The following WWP1 variants were observed in gnomAD, a reference collection of about 807,000 sequenced individuals.
WWP1 encodes the protein NEDD4-like E3 ubiquitin-protein ligase WWP1.
WWP1 carries 49 observed loss-of-function variants against 130.6 expected under a neutral mutation model. The ratio of observed to expected loss-of-function variants is 0.38; its 90% CI spans 0.30 to 0.48. The LOEUF (loss-of-function observed/expected upper bound fraction) is 0.48, where lower values mean the gene tolerates loss of function less well. Ranked by LOEUF, WWP1 falls within the 20% of genes least tolerant of loss-of-function variation. The probability of loss-of-function intolerance (pLI) is 0.99; values close to 1 mark genes in which losing one functional copy is unlikely to be tolerated. For synonymous variants in WWP1, 332 were observed against 367.8 expected, an observed-to-expected ratio of 0.90 and a Z score of 1.11; for missense variants, 809 against 1,100.6, an observed-to-expected ratio of 0.74 and a Z score of 3.75.
intron 1 of WWP1, among the ~76,000 whole-genome samples, chr8:86,352,348 C>T (rs1194449047): frequency 1.3e-5 from 2 of 152,134 alleles, no homozygotes; most frequent in Non-Finnish European, 2.9e-5. Flanking sequence ...CCTCATCCTA[C>T]CGAGTAGCTG....
intron 9 of WWP1, among the ~76,000 whole-genome samples, chr8:86,424,926 A>T (rs1809530171): frequency 6.6e-6 from 1 of 151,442 alleles, no homozygotes; most frequent in Non-Finnish European, 1.5e-5. Context: ...GATAATTTGG[A>T]ATTCTGTAAG....
In WWP1 at chr8:86,427,755, C is replaced by A; in HGVS notation, c.1270C>A (p.Gln424Lys). Residue 424 changes from glutamine (Q) to lysine (K), a missense_variant, in exon 11 of 25, where the codon CAA (glutamine) becomes AAA (lysine). Gln to Lys is a moderately conservative substitution (Grantham distance 53). This residue lies in a region of WWP1 where 450 missense variants were observed against 674.2 expected (regional missense o/e 0.67). Transcript: ENST00000517970. ...MESVRNFEQW[Q>K]SQRNQLQGAM... ...ATCTGTCCGAAATTTTGAACAGTGG[C>A]AATCTCAGCGGAACCAATTGCAGGG... The A allele has an allele frequency of 6.2e-7, 1 of 1,613,964 alleles. No individual in the cohort carries two copies. Among genetic ancestry groups the A allele is most frequent in the Non-Finnish European group, 8.5e-7 (1 of 1,179,932 alleles).
chr8:86,370,943 G>A (rs1824260407), intron 2 of WWP1, among the ~76,000 whole-genome samples: 2 of 125,008 alleles, frequency 1.6e-5, no homozygotes, highest in Admixed American at 1.0e-4. Flanking sequence ...TTAGCTCACT[G>A]CAACCTCTGC....
At position 86,467,818 on chromosome 8, in the gene WWP1, A is replaced by T. The variant is rs1812257754; in HGVS notation, c.*925A>T. 1 of 152,214 alleles carries T rather than the reference A, an allele frequency of 6.6e-6. No homozygotes were observed. The highest frequency in any genetic ancestry group is 1.5e-5 in the Non-Finnish European group (1 of 68,042). The allele number at this position is 152,214 out of a possible 1,614,324, so 9.4% of individuals were successfully genotyped here. A position where few individuals can be genotyped will look rare whatever the true frequency, so the allele number is the denominator to read the frequency against. On this transcript the variant is annotated 3_prime_UTR_variant, in exon 25 of 25. Coordinates refer to ENST00000517970, the MANE Select transcript of WWP1 (RefSeq NM_007013.4). ...AAAATTTTGGTTTTTATGAAGCCAGATGGATTGAAGAGTTACATAAGCATT... is the reference window on the plus strand; with the variant it reads ...AAAATTTTGGTTTTTATGAAGCCAGTTGGATTGAAGAGTTACATAAGCATT...
At chr8:86,365,073 A>G (rs1823894213) in intron 1 of WWP1, among the ~76,000 whole-genome samples, 1 of 152,080 alleles carries the variant, frequency 6.6e-6, no homozygotes, top group African/African-American at 2.4e-5. Context: ...AGATGTAAAA[A>G]TTAGAGAGTA....
intron 8 of WWP1, among the ~76,000 whole-genome samples, chr8:86,410,894 G>T (rs1461614760): frequency 6.6e-6 from 1 of 151,804 alleles, no homozygotes; most frequent in African/African-American, 2.4e-5. Flanking sequence ...TTGATATATG[G>T]TCTTCCAGTA....
intron 24 of WWP1, among the ~76,000 whole-genome samples, chr8:86,462,226 A>AAG (rs1369671877): frequency 6.6e-6 from 1 of 152,218 alleles, no homozygotes; most frequent in Non-Finnish European, 1.5e-5. Flanking sequence ...CTAACAGAGA[A>AAG]CAACTAACGG....
chr8:86,466,254 A>C (rs898724989), intron 24 of WWP1, among the ~76,000 whole-genome samples: 1 of 152,232 alleles, frequency 6.6e-6, no homozygotes, highest in African/African-American at 2.4e-5. Context: ...CAAGATTGAA[A>C]AAGTGTCATT....
At chr8:86,375,579 G>A (rs73688826) in intron 3 of WWP1, among the ~76,000 whole-genome samples, 19,393 of 151,924 alleles carry the variant, frequency 0.13, 3,274 homozygotes, top group African/African-American at 0.39. Flanking sequence ...TAACTTTACA[G>A]TATTATTCTG....
rs766015937 is a variant in WWP1 at position 86,402,036 on chromosome 8, C to G, written c.557C>G (p.Thr186Arg). 1 of 1,571,484 alleles carries G rather than the reference C, an allele frequency of 6.4e-7. No homozygotes were observed. Reference protein sequence around the residue: ...RTTARLAVEGTNGIDNHVPTS... With the variant: ...RTTARLAVEGRNGIDNHVPTS... Reference sequence around the variant, plus strand: ...TTTTCAAGGTTGGCTGTTGAAGGCACGAATGGAATAGATAATCATGTACCT... The same window carrying G: ...TTTTCAAGGTTGGCTGTTGAAGGCAGGAATGGAATAGATAATCATGTACCT... Residue 186 changes from threonine to arginine, a missense_variant, in exon 8 of 25, where the codon ACG becomes AGG. By Grantham distance (71) the Thr-to-Arg change is moderately conservative. Coordinates refer to ENST00000517970, the MANE Select transcript of WWP1 (RefSeq NM_007013.4).
chr8:86,383,182 A>AT (rs79056520), intron 5 of WWP1, among the ~76,000 whole-genome samples: 158 of 150,456 alleles, frequency 1.1e-3, no homozygotes, highest in Non-Finnish European at 1.8e-3. Flanking sequence ...ATGCCATGGC[A>AT]TTTTTTTTTT....
At chr8:86,407,525 A>G (rs898818726) in intron 8 of WWP1, among the ~76,000 whole-genome samples, 2 of 152,134 alleles carry the variant, frequency 1.3e-5, no homozygotes, top group African/African-American at 4.8e-5. Context: ...GTGATGACCA[A>G]ATGCATTTAC....
At chr8:86,457,871 T>G in intron 21 of WWP1, 50 bp from the exon 22 acceptor site, 1 of 1,553,624 alleles carries the variant, frequency 6.4e-7, no homozygotes, top group Non-Finnish European at 8.9e-7. Context: ...CATATAATTA[T>G]TCTCTTCACT....
rs773380843 is a variant in WWP1, at chr8:86,425,326, A to C, written c.1157+8A>C. The C allele has an allele frequency of 2.5e-6, 4 of 1,594,924 alleles. No homozygotes were observed. The highest frequency in any genetic ancestry group is 3.4e-6 in the Non-Finnish European group (4 of 1,168,494). ...ACAACCTTTACCTCCAGGGTAATATAGCACTCTTTATGCATTTGTAATTAT... is the reference window on the plus strand; with the variant it reads ...ACAACCTTTACCTCCAGGGTAATATCGCACTCTTTATGCATTTGTAATTAT... On this transcript the variant is annotated splice_region_variant and intron_variant, in intron 10 of 24. Coordinates refer to ENST00000517970, the MANE Select transcript of WWP1 (RefSeq NM_007013.4).
chr8:86,394,978 G>T (rs1807575625), intron 5 of WWP1, among the ~76,000 whole-genome samples: 1 of 150,508 alleles, frequency 6.6e-6, no homozygotes, highest in African/African-American at 2.4e-5. Flanking sequence ...GGGGGTTGGG[G>T]TAAAGAAAAC....
At chr8:86,383,570 T>C (rs1586313223) in intron 5 of WWP1, among the ~76,000 whole-genome samples, 1 of 152,114 alleles carries the variant, frequency 6.6e-6, no homozygotes, top group Non-Finnish European at 1.5e-5. Flanking sequence ...GGTGAGACCC[T>C]GTGTCTACCA....
intron 8 of WWP1, among the ~76,000 whole-genome samples, chr8:86,407,912 A>C (rs1808368265): frequency 6.6e-6 from 1 of 152,214 alleles, no homozygotes; most frequent in African/African-American, 2.4e-5. Flanking sequence ...TAAAGTCCAT[A>C]GTTTACATTA....
chr8:86,412,109 A>T (rs892086241), intron 9 of WWP1, among the ~76,000 whole-genome samples: 7 of 152,176 alleles, frequency 4.6e-5, no homozygotes, highest in Non-Finnish European at 1.5e-5. Context: ...ACCTGATGTT[A>T]ATTAGCAAGA....
At chr8:86,423,302 G>C (rs1419373103) in intron 9 of WWP1, among the ~76,000 whole-genome samples, 2 of 152,038 alleles carry the variant, frequency 1.3e-5, no homozygotes, top group Non-Finnish European at 2.9e-5. Flanking sequence ...CAGGACAATA[G>C]TGGAGGGAAG....
Sources: allele counts gnomAD v4.1 joint callset (sites outside exome capture counted in the v4.1 genomes callset), GRCh38; gene constraint gnomAD v4.1.1; regional missense constraint gnomAD v4.1.1; transcripts MANE v1.5; gene names NCBI Gene and HGNC (gene_info 2026-07-23, HGNC 2026-07-21).